Variants in VPS13A observed in about 807,000 individuals in gnomAD.
The protein encoded by VPS13A is intermembrane lipid transfer protein VPS13A.
VPS13A carries 264 observed loss-of-function variants against 390.9 expected under a neutral mutation model. The ratio of observed to expected loss-of-function variants is 0.68; its 90% CI spans 0.61 to 0.75. VPS13A has a LOEUF of 0.75. Ranked by LOEUF, VPS13A falls within the 30% of genes least tolerant of loss-of-function variation. VPS13A has a pLI of 0.00. For synonymous variants in VPS13A, 1,231 were observed against 1,227.1 expected (o/e 1.00, Z -0.07); for missense variants, 3,409 against 3,733.9 (o/e 0.91, Z 2.27).
intron 32 of VPS13A, among the ~76,000 whole-genome samples, chr9:77,294,232 G>T (rs145778822): frequency 6.6e-6 from 1 of 152,074 alleles, no homozygotes; most frequent in Non-Finnish European, 1.5e-5. Flanking sequence ...TCATATTTTC[G>T]ATTGCATTGT....
intron 1 of VPS13A, 138 bp from the exon 2 acceptor site, chr9:77,199,807 A>T: frequency 1.5e-6 from 1 of 663,990 alleles, no homozygotes; most frequent in Non-Finnish European, 2.5e-6. Context: ...AGATAATAAG[A>T]TTATAGGCAG....
chr9:77,200,366 G>T lies in VPS13A; in HGVS notation c.144+378G>T, dbSNP rs545591878. On this transcript the variant is annotated intron_variant, in intron 2 of 71. Coordinates refer to ENST00000360280, the MANE Select transcript of VPS13A (RefSeq NM_033305.3). ...TCGCCAGGCATGGTGGTGGACGCCA[G>T]TAATCCCAGCTGCCAGGGAGGATGA... Among the ~76,000 whole-genome samples, 4 of 152,278 alleles carry T rather than the reference G, an allele frequency of 2.6e-5. No homozygotes were observed. In the South Asian group the frequency reaches 6.2e-4, roughly 24 times the overall value.
intron 31 of VPS13A, among the ~76,000 whole-genome samples, chr9:77,287,159 T>C (rs1040334330): frequency 6.8e-6 from 1 of 146,262 alleles, no homozygotes; most frequent in Non-Finnish European, 1.5e-5. Flanking sequence ...TAAATACTGG[T>C]AAATAAATTA....
chr9:77,212,262 T>C (rs1160968239), intron 7 of VPS13A, among the ~76,000 whole-genome samples: 1 of 152,178 alleles, frequency 6.6e-6, no homozygotes. Flanking sequence ...TACCTGGTTT[T>C]ACTTTTTTTC....
chr9:77,357,268 A>C (rs1385375295), intron 55 of VPS13A, among the ~76,000 whole-genome samples: 4 of 146,878 alleles, frequency 2.7e-5, no homozygotes, highest in African/African-American at 7.5e-5. Flanking sequence ...GCAGTGAACC[A>C]AGATGGCCCC....
chr9:77,227,391 C>T lies in VPS13A; in HGVS notation c.1358C>T (p.Thr453Ile). 1 of 1,609,742 alleles carries T rather than the reference C, an allele frequency of 6.2e-7. No individual in the cohort carries two copies. Among genetic ancestry groups the T allele is most frequent in the Non-Finnish European group, 8.5e-7 (1 of 1,176,620 alleles). Residue 453 changes from threonine (T) to isoleucine (I), a missense_variant and splice_region_variant, in exon 16 of 72, where the codon ACT becomes ATT. Physicochemically the swap from Thr to Ile is moderately conservative, Grantham distance 89. Transcript: ENST00000360280. The stretch of plus-strand genomic sequence containing the variant: ...TAAAGCACTTCTTTCTGATTTGTAG[C>T]TCTTGAAGAAATGTTGACACCTGAA... ...NEQQPDVQPE[T>I]LEEMLTPEEK...
At chr9:77,318,156 CAT>C (rs1463968351) in intron 40 of VPS13A, 77 bp from the exon 41 acceptor site, 3 of 753,992 alleles carry the variant, frequency 4.0e-6, no homozygotes, top group African/African-American at 3.6e-5. Context: ...TTTAATTTCT[CAT>C]AATATATATT....
Position 77,196,965 on chromosome 9 carries a change from G to C in VPS13A, c.101-2980G>C, listed in dbSNP as rs76142378. Among the ~76,000 whole-genome samples, 142 of 152,232 alleles carry C rather than the reference G, an allele frequency of 9.3e-4. 1 individual carries two copies. The highest frequency in any genetic ancestry group is 5.3e-4 in the Non-Finnish European group (36 of 68,018). ...ACTAATTTATACTCCCAAAAACAGT[G>C]TGTAAGAGTTTCCCTTTCTCCACAG... On this transcript the variant is annotated intron_variant, in intron 1 of 71. Coordinates refer to ENST00000360280, the MANE Select transcript of VPS13A (RefSeq NM_033305.3).
Position 77,218,877 on chromosome 9 carries a change from AT to A in VPS13A, c.755-1074del, listed in dbSNP as rs774273857. On this transcript the variant is annotated intron_variant, in intron 10 of 71. Transcript: ENST00000360280. ...CAGCAGCATTAAGGATGCACTTGAG[AT>A]TTATGACACTAAAGTGAGACCCAGC... Among the ~76,000 whole-genome samples, 57 of 152,104 alleles carry A rather than the reference AT, an allele frequency of 3.7e-4. 1 individual carries two copies. Among genetic ancestry groups the A allele is most frequent in the Non-Finnish European group, 1.3e-4 (9 of 68,002 alleles).
intron 12 of VPS13A, among the ~76,000 whole-genome samples, chr9:77,220,943 G>C (rs1018668805): frequency 5.9e-5 from 9 of 152,008 alleles, no homozygotes; most frequent in African/African-American, 1.9e-4. Context: ...AACAGTTCTT[G>C]TGTAGAACTA....
At chr9:77,347,782 T>C (rs1831234966) in intron 52 of VPS13A, among the ~76,000 whole-genome samples, 1 of 152,172 alleles carries the variant, frequency 6.6e-6, no homozygotes, top group African/African-American at 2.4e-5. Flanking sequence ...TTTTTACCCA[T>C]TTCTTTAAAA....
In VPS13A at chr9:77,332,130, A is replaced by G. The variant is rs1396754698; in HGVS notation, c.6095+17A>G. The G allele has an allele frequency of 1.3e-6, 2 of 1,579,070 alleles. No homozygotes were observed. Among genetic ancestry groups the G allele is most frequent in the African/African-American group, 2.7e-5 (2 of 74,324 alleles). On this transcript the variant is annotated intron_variant, in intron 46 of 71. Coordinates refer to ENST00000360280, the MANE Select transcript of VPS13A (RefSeq NM_033305.3). The stretch of plus-strand genomic sequence containing the variant: ...ATCTTACCGGTATTTTGTCTTTATC[A>G]TTTTATTTACTCTAAAATCTCTTGT...
rs574434161 is a variant in VPS13A, at chr9:77,207,300, A to G, written c.385+1221A>G. Among the ~76,000 whole-genome samples, 764 of 141,896 alleles carry G rather than the reference A, an allele frequency of 5.4e-3. 7 individuals are homozygous for G. The highest frequency in any genetic ancestry group is 0.019 in the African/African-American group (736 of 39,606). The allele number at this position is 141,896 out of a possible 152,430, so 93.1% of individuals were successfully genotyped here. The stretch of plus-strand genomic sequence containing the variant: ...ACATGCATATTATCTATAACATAAC[A>G]TATTTTATAACATATAATTAATGAC... On this transcript the variant is annotated intron_variant, in intron 5 of 71. Coordinates refer to ENST00000360280, the MANE Select transcript of VPS13A (RefSeq NM_033305.3).
rs1442574602 is a variant in VPS13A, at chr9:77,317,629, T to G, written c.4887T>G (p.Phe1629Leu). ...ITTVLQPCDL[F>L]YQTTQKGTDP... ...AGGTTTTGCAGCCCTGTGACTTGTT[T>G]TATCAAACTACTCAGAAAGGTACAG... Residue 1629 changes from phenylalanine to leucine, a missense_variant, in exon 40 of 72, where the codon TTT becomes TTG. Transcript: ENST00000360280. The G allele has an allele frequency of 6.2e-7, 1 of 1,602,260 alleles. No individual in the cohort carries two copies. Among genetic ancestry groups the G allele is most frequent in the Non-Finnish European group, 8.5e-7 (1 of 1,173,830 alleles).
At chr9:77,401,200 A>G (rs1834376625) in intron 68 of VPS13A, among the ~76,000 whole-genome samples, 2 of 152,028 alleles carry the variant, frequency 1.3e-5, no homozygotes, top group Non-Finnish European at 2.9e-5. Flanking sequence ...AGTTCTTCTC[A>G]TTCTTCTTTC....
chr9:77,282,815 G>C (rs1827115193), intron 29 of VPS13A, among the ~76,000 whole-genome samples: 1 of 152,058 alleles, frequency 6.6e-6, no homozygotes, highest in South Asian at 2.1e-4. Flanking sequence ...GGGCATGGTG[G>C]TGTTTGTCTG....
chr9:77,201,257 T>A (rs1825314792), intron 2 of VPS13A, 108 bp from the exon 3 acceptor site: 4 of 747,326 alleles, frequency 5.4e-6, no homozygotes, highest in South Asian at 5.1e-5. Context: ...AATGTGTAAG[T>A]TTATTAAAAA....
chr9:77,339,823 C>T lies in VPS13A; in HGVS notation c.6686C>T (p.Ala2229Val). Residue 2229 changes from alanine to valine, a missense_variant, in exon 48 of 72, where the codon GCA becomes GTA. This residue lies in a region of VPS13A where 2,717 missense variants were observed against 2,917.4 expected (regional missense o/e 0.93). Transcript: ENST00000360280. ...ACTGGCCGCATGTTACAGTACAAAG[C>T]AGACGGAATTCATCGAAAGCATCCA... ...NKTGRMLQYK[A>V]DGIHRKHPPN... 4 of 1,614,024 alleles carry T rather than the reference C, an allele frequency of 2.5e-6. No homozygotes were observed. The highest frequency in any genetic ancestry group is 3.4e-6 in the Non-Finnish European group (4 of 1,179,956).
At chr9:77,188,457 C>T (rs1215632470) in intron 1 of VPS13A, among the ~76,000 whole-genome samples, 1 of 152,184 alleles carries the variant, frequency 6.6e-6, no homozygotes, top group African/African-American at 2.4e-5. Context: ...TGCTCCTTTT[C>T]ATGGCTGTGT....
Sources: allele counts gnomAD v4.1 joint callset (sites outside exome capture counted in the v4.1 genomes callset), GRCh38; gene constraint gnomAD v4.1.1; regional missense constraint gnomAD v4.1.1; transcripts MANE v1.5; gene names NCBI Gene and HGNC (gene_info 2026-07-23, HGNC 2026-07-21).